The following KDM2B variants were observed in gnomAD, a reference collection of about 807,000 sequenced individuals.
The protein encoded by KDM2B is lysine-specific demethylase 2B.
KDM2B carries 26 observed loss-of-function variants against 150.0 expected under a neutral mutation model. The ratio of observed to expected loss-of-function variants is 0.17; its 90% CI spans 0.13 to 0.24. The LOEUF is 0.24. Ranked by LOEUF, KDM2B falls within the 10% of genes least tolerant of loss-of-function variation. The pLI, the probability that KDM2B is intolerant of heterozygous loss-of-function variation, is 1.00. For synonymous variants in KDM2B, 734 were observed against 729.5 expected (o/e 1.01, Z -0.10); for missense variants, 1,265 against 1,816.9 (o/e 0.70, Z 5.52).
chr12:121,446,271 G>A (rs997348257), intron 13 of KDM2B, among the ~76,000 whole-genome samples: 2 of 152,136 alleles, frequency 1.3e-5, no homozygotes, highest in African/African-American at 4.8e-5. Context: ...GGTGGCGGGC[G>A]CCTGTAGTCC....
At chr12:121,544,648 C>T (rs1888877726) in intron 6 of KDM2B, among the ~76,000 whole-genome samples, 1 of 151,358 alleles carries the variant, frequency 6.6e-6, no homozygotes. Flanking sequence ...TGTGGTGGCT[C>T]ACGCCTGTAA....
chr12:121,453,064 G>T lies in KDM2B; in HGVS notation c.1959+56C>A. 2 of 1,437,716 alleles carry T rather than the reference G, an allele frequency of 1.4e-6. No individual in the cohort carries two copies. Among genetic ancestry groups the T allele is most frequent in the African/African-American group, 1.4e-5 (1 of 70,848 alleles). 89.1% of individuals were successfully genotyped at this position (1,437,716 alleles called of 1,614,324 possible). A position where few individuals can be genotyped will look rare whatever the true frequency, so the allele number is the denominator to read the frequency against. On this transcript the variant is annotated intron_variant, in intron 13 of 22. Transcript: ENST00000377071. This position sits in a 1 kb window ranked among gnomAD's most constrained non-coding sequence, Gnocchi z 6.4. ...CAGAGCGAGCAGCGGTCAGACACGC[G>T]GGCCGGCACGCAGGGGCCTGAATCG...
intron 12 of KDM2B, among the ~76,000 whole-genome samples, chr12:121,470,900 C>T (rs1240724952): frequency 3.3e-5 from 5 of 152,302 alleles, no homozygotes; most frequent in East Asian, 1.9e-4. Context: ...ACTGTGGAAC[C>T]GGGAGGCCAT....
chr12:121,409,489 A>G, the KDM2B span: 1 of 152,248 alleles, frequency 6.6e-6, no homozygotes, highest in Non-Finnish European at 1.5e-5. Flanking sequence ...CAGCTGAAAC[A>G]GTGTAGGCAG....
At chr12:121,466,685 C>A (rs1880009236) in intron 12 of KDM2B, among the ~76,000 whole-genome samples, 1 of 150,700 alleles carries the variant, frequency 6.6e-6, no homozygotes, top group Non-Finnish European at 1.5e-5. Flanking sequence ...AGCGCTCCAG[C>A]CCCGAAGCCG....
At chr12:121,428,903 G>T (rs371950071), downstream of KDM2B, among the ~76,000 whole-genome samples, 21 of 152,258 alleles carry the variant, frequency 1.4e-4, no homozygotes, top group East Asian at 7.7e-4. Context: ...AATTCTGTGT[G>T]GTAAGAGGCA....
chr12:121,467,105 G>A lies in KDM2B; in HGVS notation c.1735-13761C>T. 9.4e-7 allele frequency: 1 copy of A among 1,059,604 alleles called. No individual in the cohort carries two copies. The highest frequency in any genetic ancestry group is 1.2e-6 in the Non-Finnish European group (1 of 845,432). The allele number at this position is 1,059,604 out of a possible 1,614,324, so 65.6% of individuals were successfully genotyped here. A position where few individuals can be genotyped will look rare whatever the true frequency, so the allele number is the denominator to read the frequency against. ...CCGCCCTCGGCGCGTCAGACAGGCG[G>A]TCGGGAGGTCGTGCGGCGGGTCCCT... On this transcript the variant is annotated intron_variant, in intron 12 of 22. Coordinates refer to ENST00000377071, the MANE Select transcript of KDM2B (RefSeq NM_032590.5). The surrounding 1 kb of genome is among the most constrained non-coding windows in gnomAD (Gnocchi z 5.1).
intron 12 of KDM2B, among the ~76,000 whole-genome samples, chr12:121,484,883 T>A (rs981274246): frequency 4.6e-5 from 7 of 152,018 alleles, no homozygotes; most frequent in Non-Finnish European, 1.0e-4. Flanking sequence ...ACTGAACGAT[T>A]GATAACAAGG....
chr12:121,478,507 C>T (rs1177555411), intron 12 of KDM2B, among the ~76,000 whole-genome samples: 1 of 151,250 alleles, frequency 6.6e-6, no homozygotes, highest in African/African-American at 2.4e-5. Flanking sequence ...CTACAGGCTC[C>T]CGCCACTACG....
chr12:121,534,741 A>C, intron 6 of KDM2B, 151 bp from the exon 7 acceptor site: 3 of 602,848 alleles, frequency 5.0e-6, no homozygotes, highest in Non-Finnish European at 5.8e-6. Flanking sequence ...TCCAAATGTA[A>C]TCGGAGTTCC....
At chr12:121,567,109 T>C (rs1264360297) in intron 4 of KDM2B, among the ~76,000 whole-genome samples, 3 of 152,120 alleles carry the variant, frequency 2.0e-5, no homozygotes, top group African/African-American at 4.8e-5. Flanking sequence ...GGTCTCAAAC[T>C]CCTGACCTCT....
chr12:121,579,821 T>C (rs941019672), intron 1 of KDM2B, among the ~76,000 whole-genome samples: 1 of 150,724 alleles, frequency 6.6e-6, no homozygotes, highest in Non-Finnish European at 1.5e-5. Flanking sequence ...TCTGAGACTC[T>C]AAGCCTCACA....
At chr12:121,420,585 GCT>G in the KDM2B span, 1 of 1,614,066 alleles carries the variant, frequency 6.2e-7, no homozygotes, top group Non-Finnish European at 8.5e-7. Context: ...AGAACCCCGG[GCT>G]CTCCAAGGAG....
intron 4 of KDM2B, among the ~76,000 whole-genome samples, chr12:121,571,490 T>C (rs529424034): frequency 6.6e-6 from 1 of 152,010 alleles, no homozygotes; most frequent in South Asian, 2.1e-4. Flanking sequence ...GGTTTCATCA[T>C]GTTGGCCAGG....
chr12:121,534,719 CTTCT>C (rs1887950632), intron 6 of KDM2B, 129 bp from the exon 7 acceptor site: 1 of 665,036 alleles, frequency 1.5e-6, no homozygotes, highest in Non-Finnish European at 2.6e-6. Flanking sequence ...TTCTTTTTTT[CTTCT>C]TTAAAAATCC....
At chr12:121,456,030 C>T (rs1214778961) in intron 12 of KDM2B, among the ~76,000 whole-genome samples, 2 of 152,192 alleles carry the variant, frequency 1.3e-5, no homozygotes, top group African/African-American at 2.4e-5. Flanking sequence ...CCCCCATCTG[C>T]GGGCACCGTG....
chr12:121,477,527 G>C (rs142106632), intron 12 of KDM2B, among the ~76,000 whole-genome samples: 2,735 of 151,040 alleles, frequency 0.018, 82 homozygotes, highest in African/African-American at 0.063. Flanking sequence ...AGGACTACAG[G>C]TGCATGCCAC....
At position 121,520,961 on chromosome 12, in the gene KDM2B, G is replaced by T; in HGVS notation, c.1047+24C>A. The T allele has an allele frequency of 1.3e-6, 2 of 1,593,094 alleles. No individual in the cohort carries two copies. The highest frequency in any genetic ancestry group is 1.1e-5 in the South Asian group (1 of 90,650). On this transcript the variant is annotated intron_variant, in intron 9 of 22. Transcript: ENST00000377071. This position sits in a 1 kb window ranked among gnomAD's most constrained non-coding sequence, Gnocchi z 4.5. ...GAGCTCAGGGGCCAGGCGCGCACGC[G>T]AGGACAGAAGGGAACCTCCTTACCC... is the stretch of plus-strand genomic sequence containing the variant.
chr12:121,516,304 C>T (rs1341620233), intron 9 of KDM2B: 5 of 365,082 alleles, frequency 1.4e-5, no homozygotes, highest in East Asian at 8.4e-5. Context: ...GGGGGCTGCA[C>T]TTCAGGAGGG....
Sources: allele counts gnomAD v4.1 joint callset (sites outside exome capture counted in the v4.1 genomes callset), GRCh38; gene constraint gnomAD v4.1.1; non-coding constraint Gnocchi (gnomAD v3.1); transcripts MANE v1.5; gene names NCBI Gene and HGNC (gene_info 2026-07-23, HGNC 2026-07-21).